The following RGS12 variants were observed in gnomAD, a reference collection of about 807,000 sequenced individuals.
RGS12 encodes the protein regulator of G-protein signaling 12.
In RGS12, 66 loss-of-function variants were observed where a neutral mutation model predicts 120.1. The ratio of observed to expected loss-of-function variants is 0.55; its 90% CI spans 0.45 to 0.67. The LOEUF (loss-of-function observed/expected upper bound fraction) is 0.67, where lower values mean the gene tolerates loss of function less well. Ranked by LOEUF, RGS12 falls within the 30% of genes least tolerant of loss-of-function variation. RGS12 has a pLI of 0.00. For missense variants in RGS12, 1,859 were observed against 1,957.7 expected (o/e 0.95, Z 0.95); for synonymous variants, 827 against 804.7 (o/e 1.03, Z -0.47).
chr4:3,412,384 A>G (rs1721833556), intron 4 of RGS12, among the ~76,000 whole-genome samples: 1 of 152,122 alleles, frequency 6.6e-6, no homozygotes, highest in South Asian at 2.1e-4. Context: ...CTGAATCCAT[A>G]AGGTTTAGTG....
chr4:3,293,000 G>A (rs1321881463), upstream of RGS12: 1 of 147,646 alleles, frequency 6.8e-6, no homozygotes, highest in African/African-American at 2.5e-5. Flanking sequence ...CCCCGCCCTC[G>A]CCTCGACCCC....
intron 1 of RGS12, among the ~76,000 whole-genome samples, chr4:3,308,678 G>A (rs1724111756): frequency 1.3e-5 from 2 of 152,236 alleles, no homozygotes; most frequent in South Asian, 4.1e-4. Flanking sequence ...TGTGAGACTT[G>A]TCTTTTTCTT....
intron 3 of RGS12, among the ~76,000 whole-genome samples, chr4:3,364,396 G>A (rs1429889825): frequency 1.3e-5 from 2 of 152,168 alleles, no homozygotes; most frequent in Non-Finnish European, 2.9e-5. Context: ...GGGTGTATCC[G>A]CAGAACCTGC....
chr4:3,356,479 C>G (rs1031504262), intron 3 of RGS12, among the ~76,000 whole-genome samples: 1 of 152,138 alleles, frequency 6.6e-6, no homozygotes, highest in Non-Finnish European at 1.5e-5. Flanking sequence ...CCATCCATCT[C>G]TAGAAGTTGT....
chr4:3,371,829 G>A (rs895917310), intron 3 of RGS12, among the ~76,000 whole-genome samples: 4 of 152,206 alleles, frequency 2.6e-5, no homozygotes, highest in Non-Finnish European at 4.4e-5. Flanking sequence ...GCCGCCGTCC[G>A]TGTCCGCAGC....
the RGS12 span, among the ~76,000 whole-genome samples, chr4:3,287,265 C>T: frequency 3.3e-5 from 5 of 152,042 alleles, no homozygotes; most frequent in South Asian, 2.1e-4. Flanking sequence ...TGTTTTGAGG[C>T]GATGCTTTCT....
At chr4:3,305,557 A>G (rs945837413) in intron 1 of RGS12, among the ~76,000 whole-genome samples, 1 of 152,174 alleles carries the variant, frequency 6.6e-6, no homozygotes, top group South Asian at 2.1e-4. Flanking sequence ...AGCTCATCCA[A>G]CCACAGCCAC....
At chr4:3,359,519 C>T (rs1244276241) in intron 3 of RGS12, among the ~76,000 whole-genome samples, 1 of 140,818 alleles carries the variant, frequency 7.1e-6, no homozygotes, top group African/African-American at 2.7e-5. Context: ...ACCAGTGAAG[C>T]CCTCAGGTCC....
chr4:3,423,295 G>T (rs990057822), intron 12 of RGS12, among the ~76,000 whole-genome samples: 1 of 152,234 alleles, frequency 6.6e-6, no homozygotes, highest in African/African-American at 2.4e-5. Context: ...CCAGGCTGCT[G>T]TGCAGGACAC....
intron 4 of RGS12, among the ~76,000 whole-genome samples, chr4:3,399,543 C>G (rs931025234): frequency 6.6e-6 from 1 of 152,208 alleles, no homozygotes; most frequent in East Asian, 1.9e-4. Context: ...AGAAGTAACA[C>G]TATAGGACAA....
chr4:3,381,488 C>T (rs1461171289), intron 3 of RGS12, among the ~76,000 whole-genome samples: 2 of 152,216 alleles, frequency 1.3e-5, no homozygotes, highest in Non-Finnish European at 2.9e-5. Context: ...GTTTAATTGA[C>T]TCACAGTTCC....
chr4:3,419,688 C>T (rs1048740382), intron 9 of RGS12, among the ~76,000 whole-genome samples: 1 of 151,806 alleles, frequency 6.6e-6, no homozygotes, highest in Non-Finnish European at 1.5e-5. Flanking sequence ...AGTGTGGTGG[C>T]GCACCTGTTG....
At chr4:3,370,165 G>A in intron 3 of RGS12, 1 of 1,566,294 alleles carries the variant, frequency 6.4e-7, no homozygotes, top group Non-Finnish European at 8.7e-7. Flanking sequence ...GAGCGAGAGG[G>A]AACTTCATCG....
intron 1 of RGS12, among the ~76,000 whole-genome samples, chr4:3,297,778 G>A (rs549110092): frequency 4.7e-4 from 71 of 152,250 alleles, no homozygotes; most frequent in African/African-American, 1.7e-3. Context: ...GCTGTCACCT[G>A]CATTTCCCGC....
chr4:3,316,261 GGC>G lies in RGS12; in HGVS notation c.92_93del (p.Gly31ValfsTer38), dbSNP rs1183848937. The G allele has an allele frequency of 6.2e-7, 1 of 1,613,596 alleles. No individual in the cohort carries two copies. Among genetic ancestry groups the G allele is most frequent in the South Asian group, 1.1e-5 (1 of 91,044 alleles). On this transcript the variant is annotated frameshift_variant, in exon 2 of 18. Transcript: ENST00000336727. LOFTEE classifies it high-confidence loss of function. ...RSVEVARGRA[G>X]YGFTLSGQAP... is the part of the protein sequence containing the mutation. ...TGTGGAGGTTGCCCGGGGGAGGGCCGGCTACGGATTCACGCTTTCGGGACAGG... is the reference window on the plus strand; with the variant it reads ...TGTGGAGGTTGCCCGGGGGAGGGCCGTACGGATTCACGCTTTCGGGACAGG...
At chr4:3,434,747 C>T (rs531526965) in intron 17 of RGS12, among the ~76,000 whole-genome samples, 9 of 152,346 alleles carry the variant, frequency 5.9e-5, no homozygotes, top group African/African-American at 1.7e-4. Context: ...CGGGTTCTTA[C>T]GGTTGTGTTG....
intron 2 of RGS12, among the ~76,000 whole-genome samples, chr4:3,326,567 C>T (rs915159599): frequency 4.6e-5 from 7 of 152,108 alleles, no homozygotes; most frequent in African/African-American, 1.7e-4. Flanking sequence ...TCTAGAAAAA[C>T]CTAAAGACTT....
rs539479668 is a variant in RGS12, at chr4:3,388,567, C to G, written c.2020+2130C>G. On this transcript the variant is annotated intron_variant, in intron 4 of 17. Transcript: ENST00000336727. The stretch of plus-strand genomic sequence containing the variant: ...AGCCCTGGCTGAGAGGCCCCTCCAC[C>G]CTGGCTCCCACCCACCCCCCAGCCC... Among the ~76,000 whole-genome samples the G allele has an allele frequency of 3.3e-5, 5 of 152,286 alleles. No homozygotes were observed. The East Asian group carries it at 9.7e-4, about 29-fold the overall frequency.
Position 3,309,889 on chromosome 4 carries a change from G to C in RGS12, c.-101-6181G>C, listed in dbSNP as rs527532899. On this transcript the variant is annotated intron_variant, in intron 1 of 17. Transcript: ENST00000336727. The stretch of plus-strand genomic sequence containing the variant: ...TGGGATCCGGGAATGGCAGGTGTCC[G>C]CTGAGGGGAACCGTGCAGGGGAGGA... Among the ~76,000 whole-genome samples, 105 of 125,226 alleles carry C rather than the reference G, an allele frequency of 8.4e-4. 1 individual carries two copies. The highest frequency in any genetic ancestry group is 1.5e-3 in the Non-Finnish European group (88 of 59,748). The allele number at this position is 125,226 out of a possible 152,430, so 82.2% of individuals were successfully genotyped here.
Sources: gnomAD v4.1 joint callset for allele counts (sites outside exome capture counted in the v4.1 genomes callset) on GRCh38, gnomAD v4.1.1 for gene constraint, MANE v1.5 for transcripts, NCBI Gene and HGNC (gene_info 2026-07-23, HGNC 2026-07-21) for gene names.